ALDH18A1: variants seen among roughly 807,000 people sequenced by gnomAD.
The protein encoded by ALDH18A1 is aldehyde dehydrogenase 18 family member A1.
In ALDH18A1, 44 loss-of-function variants were observed where a neutral mutation model predicts 88.8. The ratio of observed to expected loss-of-function variants is 0.50; its 90% CI spans 0.39 to 0.64. ALDH18A1 has a LOEUF of 0.64. Among genes scored for constraint, ALDH18A1 ranks in the 30% least tolerant of loss-of-function variants. ALDH18A1 has a pLI of 0.00. For synonymous variants in ALDH18A1, 331 were observed against 372.1 expected, an observed-to-expected ratio of 0.89 and a Z score of 1.27; for missense variants, 782 against 1,009.5, an observed-to-expected ratio of 0.77 and a Z score of 3.05.
intron 6 of ALDH18A1, 73 bp from the exon 7 acceptor site, chr10:95,633,122 C>G: frequency 1.4e-6 from 2 of 1,404,788 alleles, no homozygotes; most frequent in East Asian, 4.6e-5. Context: ...AAGAACACAG[C>G]CAAGCTCAGG....
chr10:95,651,365 T>C (rs953668895), intron 2 of ALDH18A1, among the ~76,000 whole-genome samples: 3 of 152,212 alleles, frequency 2.0e-5, no homozygotes, highest in Non-Finnish European at 2.9e-5. Context: ...ACAGTGCTAG[T>C]AGGAATGTAA....
In ALDH18A1 at chr10:95,606,805, T is replaced by C. The variant is rs774047299; in HGVS notation, c.2345A>G (p.Tyr782Cys). ...AGGAATAGGGAGGTTCTCATGAAGA[T>C]ATTTTAAACTTCCATGCTCTGAGAA... ...SDFSEHGSLK[Y>C]LHENLPIPQR... Residue 782 changes from tyrosine to cysteine, a missense_variant, in exon 18 of 18, where the codon TAT becomes TGT. Physicochemically the swap from Tyr to Cys is radical, Grantham distance 194 (BLOSUM62 -2). This residue lies in a region of ALDH18A1 where 556 missense variants were observed against 654.5 expected (regional missense o/e 0.85). Transcript: ENST00000371224. 41 of 1,614,062 alleles carry C rather than the reference T, an allele frequency of 2.5e-5. No individual in the cohort carries two copies. Among genetic ancestry groups the C allele is most frequent in the Non-Finnish European group, 2.5e-6 (3 of 1,180,024 alleles).
intron 12 of ALDH18A1, chr10:95,616,843 A>G (rs2097845043): frequency 1.6e-6 from 1 of 617,070 alleles, no homozygotes; most frequent in African/African-American, 1.8e-5. Flanking sequence ...CCGAAGTCAC[A>G]CAGCTTATAA....
chr10:95,638,147 G>A (rs998080004), intron 3 of ALDH18A1, among the ~76,000 whole-genome samples: 1 of 152,114 alleles, frequency 6.6e-6, no homozygotes, highest in African/African-American at 2.4e-5. Context: ...ACAAGTAGCT[G>A]GAACTACAGG....
rs751023963 is a variant in ALDH18A1 at position 95,637,229 on chromosome 10, G to C, written c.454-32C>G. 3.7e-6 allele frequency: 6 copies of C among 1,614,114 alleles called. No homozygotes were observed. The East Asian group carries it at 1.1e-4, about 30-fold the overall frequency. On this transcript the variant is annotated intron_variant, in intron 4 of 17. Transcript: ENST00000371224. ...TATACCAATGAGACAAGGTGTGGTA[G>C]GGAATGAGGGAAGAAGACCTGAAGA...
intron 13 of ALDH18A1, among the ~76,000 whole-genome samples, chr10:95,615,605 T>C (rs1288629549): frequency 1.3e-5 from 2 of 151,998 alleles, no homozygotes; most frequent in East Asian, 1.9e-4. Context: ...AGCTAGGAAG[T>C]GGTGGGGCTG....
chr10:95,653,568 G>A (rs1380961982), intron 1 of ALDH18A1, among the ~76,000 whole-genome samples, 163 bp from the exon 2 acceptor site: 8 of 152,070 alleles, frequency 5.3e-5, no homozygotes, highest in Non-Finnish European at 1.2e-4. Flanking sequence ...AGAAAAGAGA[G>A]AAAAAGTAAG....
intron 13 of ALDH18A1, 60 bp from the exon 14 acceptor site, chr10:95,614,221 A>C: frequency 6.5e-7 from 1 of 1,539,878 alleles, no homozygotes; most frequent in Non-Finnish European, 8.9e-7. Context: ...ATATAAAAAC[A>C]GCAGCTTCCC....
At position 95,625,765 on chromosome 10, in the gene ALDH18A1, A is replaced by AAAG. The variant is rs2097859487; in HGVS notation, c.1153-311_1153-310insCTT. Among the ~76,000 whole-genome samples, 5 of 151,550 alleles carry AAAG rather than the reference A, an allele frequency of 3.3e-5. No homozygotes were observed. The East Asian group carries it at 7.8e-4, about 24-fold the overall frequency. On this transcript the variant is annotated intron_variant, in intron 10 of 17. Transcript: ENST00000371224. ...AATCAGGAGTCATAAGAAAAAAAAA[A>AAAG]GGGGGGGAAGGGGCATGATGGATAC...
intron 8 of ALDH18A1, 138 bp from the exon 9 acceptor site, chr10:95,627,724 G>T: frequency 8.8e-7 from 1 of 1,137,040 alleles, no homozygotes; most frequent in Non-Finnish European, 1.3e-6. Flanking sequence ...AAGCTTAGAA[G>T]CTCTGAAAAC....
chr10:95,637,419 A>G lies in ALDH18A1; in HGVS notation c.321T>C (p.Asn107=), dbSNP rs767715395. 7.4e-6 allele frequency: 12 copies of G among 1,614,178 alleles called. No homozygotes were observed. The highest frequency in any genetic ancestry group is 5.1e-6 in the Non-Finnish European group (6 of 1,180,036). Reference sequence around the variant, plus strand: ...TCACCAGCATCATCTCTCTGCCCTGATTCTGCAGCACTGATACCTGGGCAT... The same window carrying G: ...TCACCAGCATCATCTCTCTGCCCTGGTTCTGCAGCACTGATACCTGGGCAT... The part of the protein sequence containing the change: ...SIVEQVSVLQ[N]QGREMMLVTS... Residue 107 remains asparagine (N), a synonymous_variant, in exon 4 of 18, where the codon AAT becomes AAC. Coordinates refer to ENST00000371224, the MANE Select transcript of ALDH18A1 (RefSeq NM_002860.4).
At chr10:95,629,386 A>G (rs2097864852) in intron 7 of ALDH18A1, among the ~76,000 whole-genome samples, 1 of 152,196 alleles carries the variant, frequency 6.6e-6, no homozygotes, top group Non-Finnish European at 1.5e-5. Context: ...TCTTTAAGAC[A>G]ATCTTGCTAC....
chr10:95,653,603 T>C (rs1011500851), intron 1 of ALDH18A1, among the ~76,000 whole-genome samples, 198 bp from the exon 2 acceptor site: 1 of 152,124 alleles, frequency 6.6e-6, no homozygotes, highest in Non-Finnish European at 1.5e-5. Context: ...GCCTCAACCA[T>C]CTTAGTTTTT....
In ALDH18A1 at chr10:95,616,528, G is replaced by C; in HGVS notation, c.1554C>G (p.Leu518=). Residue 518 remains leucine (L), a synonymous_variant, in exon 13 of 18, where the codon CTC becomes CTG. Transcript: ENST00000371224. The part of the protein sequence containing the change: ...EAAHSNRILH[L]LTQEALSIHG... ...GGATTGAGAGAGCCTCCTGGGTCAG[G>C]AGGTGGAGAATCCGGTTGCTGTGTG... The C allele has an allele frequency of 6.3e-7, 1 of 1,584,576 alleles. No individual in the cohort carries two copies. Among genetic ancestry groups the C allele is most frequent in the Non-Finnish European group, 8.6e-7 (1 of 1,164,428 alleles).
intron 3 of ALDH18A1, among the ~76,000 whole-genome samples, chr10:95,638,155 A>G (rs1028662948): frequency 1.3e-5 from 2 of 152,122 alleles, no homozygotes; most frequent in African/African-American, 4.8e-5. Context: ...CTGGAACTAC[A>G]GGCTCATGCC....
chr10:95,627,649 T>G, intron 8 of ALDH18A1, 63 bp from the exon 9 acceptor site: 3 of 1,588,172 alleles, frequency 1.9e-6, no homozygotes, highest in Non-Finnish European at 2.6e-6. Context: ...CATTTTAAAC[T>G]TGCAAAAAGA....
intron 1 of ALDH18A1, among the ~76,000 whole-genome samples, chr10:95,655,681 A>AGTGT (rs3838754): frequency 0.021 from 3,176 of 150,248 alleles, 64 homozygotes; most frequent in South Asian, 0.061. Context: ...GAGCAAAGAG[A>AGTGT]GTGTGTGTGT....
chr10:95,651,733 C>T (rs2097910774), intron 2 of ALDH18A1, among the ~76,000 whole-genome samples: 1 of 152,180 alleles, frequency 6.6e-6, no homozygotes, highest in African/African-American at 2.4e-5. Flanking sequence ...GGATTCACCC[C>T]CATGACTCAA....
intron 15 of ALDH18A1, among the ~76,000 whole-genome samples, chr10:95,612,584 T>C (rs1169470901): frequency 6.6e-6 from 1 of 152,216 alleles, no homozygotes; most frequent in Non-Finnish European, 1.5e-5. Flanking sequence ...CAAGTCATCC[T>C]TCTAGCTTTA....
Sources: gnomAD v4.1 joint callset for allele counts (sites outside exome capture counted in the v4.1 genomes callset) on GRCh38, gnomAD v4.1.1 for gene constraint, gnomAD v4.1.1 regional missense constraint, MANE v1.5 for transcripts, NCBI Gene and HGNC (gene_info 2026-07-23, HGNC 2026-07-21) for gene names.